The following RABGAP1 variants were observed in gnomAD, a reference collection of about 807,000 sequenced individuals.
The protein encoded by RABGAP1 is rab GTPase-activating protein 1.
RABGAP1 carries 23 observed loss-of-function variants against 137.6 expected under a neutral mutation model. The observed-to-expected ratio is 0.17, with a 90% CI of 0.12 to 0.24. The LOEUF is 0.24. Among genes scored for constraint, RABGAP1 ranks in the 10% least tolerant of loss-of-function variants. The pLI is 1.00. For missense variants in RABGAP1, 906 were observed against 1,275.8 expected (o/e 0.71, Z 4.42); for synonymous variants, 451 against 450.7 (o/e 1.00, Z -0.01).
chr9:123,022,891 T>A (rs529540471), intron 13 of RABGAP1, among the ~76,000 whole-genome samples: 2 of 152,268 alleles, frequency 1.3e-5, no homozygotes, highest in East Asian at 3.9e-4. Flanking sequence ...GAATGGTAAT[T>A]GACATCTTTT....
At chr9:122,989,553 T>C (rs539259485) in intron 5 of RABGAP1, 82 bp downstream of exon 5, 2 of 1,408,044 alleles carry the variant, frequency 1.4e-6, no homozygotes, top group South Asian at 2.4e-5. Context: ...GTATTTATTA[T>C]GATCACTCAT....
intron 19 of RABGAP1, among the ~76,000 whole-genome samples, chr9:123,081,934 A>C (rs187708629): frequency 7.9e-5 from 12 of 152,122 alleles, no homozygotes; most frequent in Admixed American, 2.0e-4. Context: ...TATGTTCCCA[A>C]TGCTTTCCAA....
At position 123,074,278 on chromosome 9, in the gene RABGAP1, A is replaced by AT; in HGVS notation, c.2110-4dup. The AT allele has an allele frequency of 1.2e-6, 2 of 1,613,574 alleles. No homozygotes were observed. Among genetic ancestry groups the AT allele is most frequent in the Non-Finnish European group, 1.7e-6 (2 of 1,179,708 alleles). ...TGTGCCCAGAACTAATTGGTTTGCT[A>AT]TTTCAGGAATACATTCCTGACCTGT... On this transcript the variant is annotated splice_region_variant and splice_polypyrimidine_tract_variant and intron_variant, in intron 16 of 25. Coordinates refer to ENST00000373647, the MANE Select transcript of RABGAP1 (RefSeq NM_012197.4).
chr9:123,086,113 A>C (rs1265560425), intron 19 of RABGAP1, among the ~76,000 whole-genome samples: 2 of 152,180 alleles, frequency 1.3e-5, no homozygotes, highest in Admixed American at 1.3e-4. Flanking sequence ...ATGCTATGAG[A>C]ATAGTTACAT....
intron 14 of RABGAP1, among the ~76,000 whole-genome samples, chr9:123,068,588 A>G (rs1239556584): frequency 2.6e-5 from 4 of 152,194 alleles, no homozygotes; most frequent in African/African-American, 9.7e-5. Flanking sequence ...TTGATAGGAA[A>G]GTGGTGCCTC....
chr9:123,057,690 G>T (rs988508947), intron 13 of RABGAP1, among the ~76,000 whole-genome samples: 2 of 152,208 alleles, frequency 1.3e-5, no homozygotes, highest in African/African-American at 2.4e-5. Flanking sequence ...ACTTTGGGGG[G>T]CCAAGGCAGG....
intron 1 of RABGAP1, among the ~76,000 whole-genome samples, chr9:122,956,779 A>G (rs896431701): frequency 6.6e-6 from 1 of 152,114 alleles, no homozygotes; most frequent in African/African-American, 2.4e-5. Flanking sequence ...TCCTGAAGGG[A>G]ATATGTTTTA....
chr9:123,100,193 TCTAC>T (rs1443867730), intron 24 of RABGAP1, among the ~76,000 whole-genome samples: 1 of 152,160 alleles, frequency 6.6e-6, no homozygotes, highest in African/African-American at 2.4e-5. Flanking sequence ...TTCTTTAAGT[TCTAC>T]CTGTATTACA....
intron 3 of RABGAP1, 63 bp from the exon 4 acceptor site, chr9:122,986,152 C>A: frequency 2.7e-6 from 4 of 1,471,044 alleles, no homozygotes; most frequent in Non-Finnish European, 2.8e-6. Flanking sequence ...TTTTTACTTG[C>A]TAATCGTATC....
chr9:123,001,584 C>T (rs1292262462), intron 10 of RABGAP1, among the ~76,000 whole-genome samples: 4 of 152,166 alleles, frequency 2.6e-5, no homozygotes, highest in Non-Finnish European at 5.9e-5. Flanking sequence ...TCTCCCAGCT[C>T]TTCATTGTAG....
chr9:122,978,718 A>T (rs1280409258), intron 2 of RABGAP1, among the ~76,000 whole-genome samples: 1 of 152,168 alleles, frequency 6.6e-6, no homozygotes, highest in Non-Finnish European at 1.5e-5. Context: ...AGTGAGTCAT[A>T]TGGTAAGTGT....
chr9:123,004,234 AG>A (rs2029996259), intron 10 of RABGAP1, among the ~76,000 whole-genome samples: 1 of 152,218 alleles, frequency 6.6e-6, no homozygotes, highest in Non-Finnish European at 1.5e-5. Flanking sequence ...CTTGACACTT[AG>A]CAAGTAATCT....
chr9:122,957,325 C>G (rs1206048320), intron 2 of RABGAP1, 116 bp downstream of exon 2: 5 of 789,660 alleles, frequency 6.3e-6, no homozygotes, highest in Non-Finnish European at 8.9e-6. Context: ...TAATATACTT[C>G]TTTTTCTTTA....
At chr9:123,059,532 G>A (rs918071768) in intron 13 of RABGAP1, among the ~76,000 whole-genome samples, 1 of 152,134 alleles carries the variant, frequency 6.6e-6, no homozygotes. Context: ...TCCAGCCTGG[G>A]TGACAGAGCG....
chr9:123,003,138 T>C (rs780263338), intron 10 of RABGAP1, among the ~76,000 whole-genome samples: 5 of 152,192 alleles, frequency 3.3e-5, no homozygotes, highest in Non-Finnish European at 7.3e-5. Context: ...CTAAATGTAT[T>C]CCCTCTTTTA....
chr9:123,083,966 A>G (rs1405692485), intron 19 of RABGAP1, among the ~76,000 whole-genome samples: 1 of 152,230 alleles, frequency 6.6e-6, no homozygotes, highest in Non-Finnish European at 1.5e-5. Context: ...AGCAGGCCAC[A>G]GAGATAAATA....
intron 2 of RABGAP1, among the ~76,000 whole-genome samples, chr9:122,981,769 C>T (rs754407494): frequency 1.3e-5 from 2 of 152,154 alleles, no homozygotes; most frequent in Non-Finnish European, 2.9e-5. Context: ...AGTATGCAGG[C>T]CGGGTGTAGT....
At chr9:123,066,995 A>T (rs1325263134) in intron 14 of RABGAP1, among the ~76,000 whole-genome samples, 1 of 152,172 alleles carries the variant, frequency 6.6e-6, no homozygotes, top group Non-Finnish European at 1.5e-5. Context: ...AACAAATCTT[A>T]GACATCATGA....
chr9:122,972,359 T>G (rs1262583130), intron 2 of RABGAP1, among the ~76,000 whole-genome samples: 1 of 152,214 alleles, frequency 6.6e-6, no homozygotes, highest in Non-Finnish European at 1.5e-5. Flanking sequence ...GTGGATTGAC[T>G]GGTTGGTTTT....
Sources: allele counts gnomAD v4.1 joint callset (sites outside exome capture counted in the v4.1 genomes callset), GRCh38; gene constraint gnomAD v4.1.1; transcripts MANE v1.5; gene names NCBI Gene and HGNC (gene_info 2026-07-23, HGNC 2026-07-21).